Variants in RGS3 observed in about 807,000 individuals in gnomAD.
RGS3 encodes regulator of G protein signaling 3.
Under a neutral mutation model 132.6 loss-of-function variants are expected in RGS3, and 80 were observed. The observed-to-expected ratio is 0.60, with a 90% CI of 0.50 to 0.73. RGS3 has a LOEUF of 0.73. RGS3 is among the 30% of genes least tolerant of loss of function. The pLI, the probability that RGS3 is intolerant of heterozygous loss-of-function variation, is 0.00. For missense variants in RGS3, 1,382 were observed against 1,530.8 expected, an observed-to-expected ratio of 0.90 and a Z score of 1.62; for synonymous variants, 598 against 620.6, an observed-to-expected ratio of 0.96 and a Z score of 0.54.
intron 3 of RGS3, among the ~76,000 whole-genome samples, chr9:113,473,434 G>A (rs902842116): frequency 6.6e-6 from 1 of 152,106 alleles, no homozygotes; most frequent in African/African-American, 2.4e-5. Context: ...CCAGGCTGGA[G>A]TGCAGTGGTG....
At chr9:113,555,743 G>C (rs1833540698) in intron 19 of RGS3, among the ~76,000 whole-genome samples, 1 of 152,126 alleles carries the variant, frequency 6.6e-6, no homozygotes, top group Non-Finnish European at 1.5e-5. Context: ...GGGATTACAG[G>C]CGTGAGCCAC....
Position 113,584,087 on chromosome 9 carries a change from A to AG in RGS3, c.2677dup (p.Glu893GlyfsTer8). ...GAGGCCGAGGAGGTGGAGGAGGGGG[A>AG]GGAAGGGGAGGAGGACGAGGATGAG... On this transcript the variant is annotated frameshift_variant, in exon 20 of 25. Coordinates refer to ENST00000350696, the Ensembl canonical transcript of RGS3. LOFTEE classifies it high-confidence loss of function. 6.2e-7 allele frequency: 1 copy of AG among 1,613,834 alleles called. No homozygotes were observed. The highest frequency in any genetic ancestry group is 8.5e-7 in the Non-Finnish European group (1 of 1,179,888).
chr9:113,596,937 T>G, exon 25 of RGS3: 1 of 1,608,954 alleles, frequency 6.2e-7, no homozygotes, highest in South Asian at 1.1e-5. Flanking sequence ...CAGAAGAAGA[T>G]GAGTCCCCCG....
intron 21 of RGS3, chr9:113,593,634 G>A: frequency 2.3e-6 from 1 of 432,764 alleles, no homozygotes; most frequent in Non-Finnish European, 4.1e-6. Context: ...GAGGCTGAGA[G>A]GCCGGCTGGC....
intron 1 of RGS3, among the ~76,000 whole-genome samples, chr9:113,448,598 G>T (rs1829169687): frequency 1.3e-5 from 2 of 152,140 alleles, no homozygotes; most frequent in South Asian, 2.1e-4. Flanking sequence ...CACTATTGGG[G>T]TTCACAGCTT....
intron 7 of RGS3, among the ~76,000 whole-genome samples, chr9:113,490,986 T>C (rs1161999452): frequency 7.5e-6 from 1 of 133,910 alleles, no homozygotes; most frequent in Non-Finnish European, 1.5e-5. Flanking sequence ...TTAATTATTA[T>C]ATATTGGTAT....
At chr9:113,553,476 A>ATATG (rs1833441120) in intron 19 of RGS3, among the ~76,000 whole-genome samples, 1 of 120,432 alleles carries the variant, frequency 8.3e-6, no homozygotes, top group East Asian at 2.3e-4. Flanking sequence ...ATATATATAT[A>ATATG]TATATATATA....
At chr9:113,494,856 C>A (rs1830633199) in intron 7 of RGS3, among the ~76,000 whole-genome samples, 1 of 151,678 alleles carries the variant, frequency 6.6e-6, no homozygotes, top group Non-Finnish European at 1.5e-5. Context: ...TCTTCAGGAA[C>A]TCTGAATTCT....
chr9:113,507,587 C>T lies in RGS3; in HGVS notation c.1386C>T (p.Ala462=). The T allele has an allele frequency of 6.6e-7, 1 of 1,515,220 alleles. No individual in the cohort carries two copies. Among genetic ancestry groups the T allele is most frequent in the Non-Finnish European group, 8.9e-7 (1 of 1,128,590 alleles). 93.9% of individuals were successfully genotyped at this position (1,515,220 alleles called of 1,614,324 possible). ...TGCCTGCACTGTCCCGTGCCACTGC[C>T]CCCACCGACCCCAACTACATCATCC... Residue 462 remains alanine (A), a synonymous_variant, in exon 13 of 25, where the codon GCC becomes GCT. Coordinates refer to ENST00000350696, the Ensembl canonical transcript of RGS3. The surrounding 1 kb of genome is among the most constrained non-coding windows in gnomAD (Gnocchi z 5.0).
intron 21 of RGS3, chr9:113,594,175 A>G: frequency 6.2e-7 from 1 of 1,612,952 alleles, no homozygotes; most frequent in South Asian, 1.1e-5. Flanking sequence ...TGCAGCCTGC[A>G]CCGTTGCTGC....
chr9:113,538,404 G>A (rs751330056), intron 19 of RGS3, among the ~76,000 whole-genome samples: 38 of 152,354 alleles, frequency 2.5e-4, no homozygotes, highest in Admixed American at 1.4e-3. Flanking sequence ...CCTCTGGGAC[G>A]TCGAATGGCT....
intron 14 of RGS3, among the ~76,000 whole-genome samples, chr9:113,513,728 C>A (rs575445900): frequency 6.6e-6 from 1 of 152,312 alleles, no homozygotes; most frequent in Non-Finnish European, 1.5e-5. Context: ...TTGAGCACAG[C>A]CACCTGGCTT....
intron 7 of RGS3, among the ~76,000 whole-genome samples, chr9:113,494,910 C>T (rs546590121): frequency 2.0e-5 from 3 of 152,192 alleles, no homozygotes; most frequent in East Asian, 3.9e-4. Flanking sequence ...AGTCTTGGCT[C>T]TGTCACCCAG....
At chr9:113,517,741 G>A in intron 16 of RGS3, 117 bp downstream of exon 14, 1 of 733,170 alleles carries the variant, frequency 1.4e-6, no homozygotes, top group South Asian at 1.9e-5. Context: ...TCTCAGGGTA[G>A]GGGAGACCTG....
intron 7 of RGS3, among the ~76,000 whole-genome samples, chr9:113,492,756 T>C (rs1207427567): frequency 6.6e-6 from 1 of 152,186 alleles, no homozygotes; most frequent in Non-Finnish European, 1.5e-5. Flanking sequence ...CCTCCAAAGA[T>C]TTTTCAAAAG....
rs530266506 is a variant in RGS3 at position 113,463,717 on chromosome 9, C to T, written c.415+1516C>T. 6.8e-7 allele frequency: 1 copy of T among 1,474,850 alleles called. No homozygotes were observed. Among genetic ancestry groups the T allele is most frequent in the African/African-American group, 1.4e-5 (1 of 70,168 alleles). 91.4% of individuals were successfully genotyped at this position (1,474,850 alleles called of 1,614,324 possible). A position where few individuals can be genotyped will look rare whatever the true frequency, so the allele number is the denominator to read the frequency against. On this transcript the variant is annotated intron_variant, in intron 3 of 24. Coordinates refer to ENST00000350696, the Ensembl canonical transcript of RGS3. This position sits in a 1 kb window ranked among gnomAD's most constrained non-coding sequence, Gnocchi z 4.6. Reference sequence around the variant, plus strand: ...GCAGCCCTACCTCCCGCTCGCGCTCCTCCCGCCCTGGAGACTCCGGTTACT... The same window carrying T: ...GCAGCCCTACCTCCCGCTCGCGCTCTTCCCGCCCTGGAGACTCCGGTTACT...
rs1830744950 is a variant in RGS3, at chr9:113,498,087, G to T, written c.897+7G>T. 2 of 1,613,780 alleles carry T rather than the reference G, an allele frequency of 1.2e-6. No individual in the cohort carries two copies. Among genetic ancestry groups the T allele is most frequent in the Non-Finnish European group, 1.7e-6 (2 of 1,179,694 alleles). ...GAATGGGAAGAAACTAAAGGTAGGTGGGGACAAGCTAGGGCATTGCTCCAG... is the reference window on the plus strand; with the variant it reads ...GAATGGGAAGAAACTAAAGGTAGGTTGGGACAAGCTAGGGCATTGCTCCAG... On this transcript the variant is annotated splice_region_variant and intron_variant, in intron 10 of 24. Transcript: ENST00000350696.
At position 113,462,199 on chromosome 9, in the gene RGS3, C is replaced by T. The variant is rs766758365; in HGVS notation, c.413C>T (p.Ala138Val). ...ATCACGCATGCCAAAGTCCAGGGTG[C>T]AGGTAAGTCCATCTGTCACTGGCTT... is the stretch of plus-strand genomic sequence containing the variant. The change falls in exon 3 of 25, where the codon GCA (alanine) becomes GTA (valine). Residue 138 changes from alanine (A) to valine (V), a missense_variant and splice_region_variant. Physicochemically the swap from Ala to Val is moderately conservative, Grantham distance 64. Coordinates refer to ENST00000350696, the Ensembl canonical transcript of RGS3. 7.5e-6 allele frequency: 12 copies of T among 1,604,060 alleles called. No individual in the cohort carries two copies. Among genetic ancestry groups the T allele is most frequent in the Middle Eastern group, 1.7e-4 (1 of 5,986 alleles).
intron 6 of RGS3, 130 bp from the exon 5 acceptor site, chr9:113,485,495 G>C (rs940233548): frequency 1.1e-5 from 7 of 633,310 alleles, no homozygotes; most frequent in African/African-American, 1.8e-5. Flanking sequence ...TACTTTATTT[G>C]TAATATAGTT....
Sources: gnomAD v4.1 joint callset for allele counts (sites outside exome capture counted in the v4.1 genomes callset) on GRCh38, gnomAD v4.1.1 for gene constraint, Gnocchi (gnomAD v3.1) non-coding constraint, MANE v1.5 for transcripts, NCBI Gene and HGNC (gene_info 2026-07-23, HGNC 2026-07-21) for gene names.